Variants in C2CD3 observed in about 807,000 individuals in gnomAD.
The protein encoded by C2CD3 is C2 domain containing 3 centriole elongation regulator.
C2CD3 carries 148 observed loss-of-function variants against 234.0 expected under a neutral mutation model. The ratio of observed to expected loss-of-function variants is 0.63; its 90% confidence interval spans 0.55 to 0.72. The LOEUF is 0.72. C2CD3 is among the 30% of genes least tolerant of loss of function. The pLI, the probability that C2CD3 is intolerant of heterozygous loss-of-function variation, is 0.00. For synonymous variants in C2CD3, 1,000 were observed against 1,035.4 expected, an observed-to-expected ratio of 0.97 and a Z score of 0.66; for missense variants, 2,577 against 2,811.5, an observed-to-expected ratio of 0.92 and a Z score of 1.89.
intron 32 of C2CD3, among the ~76,000 whole-genome samples, chr11:74,022,527 A>G (rs568582377): frequency 6.6e-6 from 1 of 152,324 alleles, no homozygotes; most frequent in East Asian, 1.9e-4. Flanking sequence ...ATTTGAAGTC[A>G]TCAGAGTGAT....
intron 24 of C2CD3, among the ~76,000 whole-genome samples, chr11:74,068,514 C>G (rs1954641261): frequency 6.6e-6 from 1 of 152,130 alleles, no homozygotes; most frequent in Admixed American, 6.5e-5. Context: ...GCTTGCAGTA[C>G]ATACCCACAG....
At chr11:74,061,499 A>C (rs540896083) in intron 24 of C2CD3, among the ~76,000 whole-genome samples, 1 of 152,242 alleles carries the variant, frequency 6.6e-6, no homozygotes, top group Non-Finnish European at 1.5e-5. Context: ...AGAATTTTCA[A>C]CCCAGAATTT....
In C2CD3 at chr11:74,141,800, G is replaced by T. The variant is rs117954769; in HGVS notation, c.484-1972C>A. Among the ~76,000 whole-genome samples, 581 of 152,002 alleles carry T rather than the reference G, an allele frequency of 3.8e-3. 4 individuals are homozygous for T. The highest frequency in any genetic ancestry group is 6.5e-3 in the Non-Finnish European group (441 of 67,948). On this transcript the variant is annotated intron_variant, in intron 3 of 32. Transcript: ENST00000334126. ...GCTTGAGCCCAGGAATTTGAGACTG[G>T]CCTGGGCAACATAGTGAGAACCTGT... is the stretch of plus-strand genomic sequence containing the variant.
chr11:74,029,568 T>C (rs1952438980), intron 31 of C2CD3, among the ~76,000 whole-genome samples: 1 of 152,194 alleles, frequency 6.6e-6, no homozygotes, highest in Admixed American at 6.5e-5. Flanking sequence ...CCAGGTGAGG[T>C]AGGATCTATT....
intron 2 of C2CD3, among the ~76,000 whole-genome samples, chr11:74,163,193 C>T (rs1169730586): frequency 6.6e-6 from 1 of 152,166 alleles, no homozygotes; most frequent in Non-Finnish European, 1.5e-5. Context: ...TGTGTTCTGA[C>T]TGCAATATTC....
Position 74,098,032 on chromosome 11 carries a change from G to C in C2CD3, c.2956C>G (p.Pro986Ala). Residue 986 changes from proline to alanine, a missense_variant, in exon 16 of 33, where the codon CCA becomes GCA. By Grantham distance (27) the Pro-to-Ala change is conservative (BLOSUM62 -1). Coordinates refer to ENST00000334126, the MANE Select transcript of C2CD3 (RefSeq NM_001286577.2). The stretch of plus-strand genomic sequence containing the variant: ...ACCATAGCAACAGATGCTGCAGTTG[G>C]CTGGTCCAGGAAATGGGCTGGCCTA... Reference protein sequence around the residue: ...SPRPAHFLDQPTAASVAMAED... With the variant: ...SPRPAHFLDQATAASVAMAED... The C allele has an allele frequency of 3.7e-6, 6 of 1,614,086 alleles. No individual in the cohort carries two copies. Among genetic ancestry groups the C allele is most frequent in the Non-Finnish European group, 5.1e-6 (6 of 1,179,972 alleles).
chr11:74,050,742 ACCTAGCT>A (rs1953638451), intron 26 of C2CD3, among the ~76,000 whole-genome samples: 5 of 151,646 alleles, frequency 3.3e-5, no homozygotes, highest in African/African-American at 1.2e-4. Context: ...TTAGACTGGA[ACCTAGCT>A]AAACGGTGAG....
At chr11:74,049,259 G>T in intron 27 of C2CD3, 78 bp downstream of exon 27, 2 of 1,212,090 alleles carry the variant, frequency 1.7e-6, no homozygotes, top group Middle Eastern at 2.0e-4. Context: ...AAGCCGGAGA[G>T]TGCCAAACAT....
At chr11:74,055,993 C>T (rs1386602600) in intron 25 of C2CD3, among the ~76,000 whole-genome samples, 1 of 152,218 alleles carries the variant, frequency 6.6e-6, no homozygotes, top group Non-Finnish European at 1.5e-5. Context: ...GGTTTCCTGC[C>T]TTTTGGGGAG....
At chr11:74,083,549 A>C (rs1196662936) in intron 22 of C2CD3, among the ~76,000 whole-genome samples, 2 of 152,240 alleles carry the variant, frequency 1.3e-5, no homozygotes, top group African/African-American at 4.8e-5. Context: ...CCCATCTGAC[A>C]AAGGGCTAAT....
At chr11:74,049,835 C>A (rs915662274) in intron 26 of C2CD3, among the ~76,000 whole-genome samples, 1 of 151,300 alleles carries the variant, frequency 6.6e-6, no homozygotes, top group Non-Finnish European at 1.5e-5. Context: ...GGTTGCAGTG[C>A]AGTAGCATGA....
rs535005076 is a variant in C2CD3 at position 74,042,149 on chromosome 11, T to C, written c.5565A>G (p.Glu1855=). ...EHVQNIRRFH[E]SLHLQGEAPL... is the part of the protein sequence containing the mutation. Reference sequence around the variant, plus strand: ...GTGCCTCTCCCTGAAGATGCAGGGATTCATGAAACCGGCGAATGTTCTGCA... The same window carrying C: ...GTGCCTCTCCCTGAAGATGCAGGGACTCATGAAACCGGCGAATGTTCTGCA... Residue 1855 remains glutamate (E), a synonymous_variant, in exon 29 of 33, where the codon GAA becomes GAG. Transcript: ENST00000334126. 48 of 1,613,540 alleles carry C rather than the reference T, an allele frequency of 3.0e-5. No homozygotes were observed. The highest frequency in any genetic ancestry group is 4.0e-5 in the Non-Finnish European group (47 of 1,179,946).
chr11:74,155,478 A>T (rs1029445575), intron 3 of C2CD3, among the ~76,000 whole-genome samples: 2 of 152,224 alleles, frequency 1.3e-5, no homozygotes, highest in Admixed American at 1.3e-4. Flanking sequence ...ATTATTAATA[A>T]TAGTCAAAAA....
chr11:74,143,328 A>T (rs1229027637), intron 3 of C2CD3, among the ~76,000 whole-genome samples: 4 of 152,190 alleles, frequency 2.6e-5, no homozygotes, highest in South Asian at 2.1e-4. Flanking sequence ...AGCATTTTTT[A>T]AAAAGTCAAC....
intron 14 of C2CD3, among the ~76,000 whole-genome samples, chr11:74,101,896 G>A (rs989813024): frequency 6.6e-6 from 1 of 151,994 alleles, no homozygotes. Flanking sequence ...CCATCTTGAA[G>A]GATATAGGGA....
chr11:74,099,430 T>C (rs952761923), intron 15 of C2CD3, among the ~76,000 whole-genome samples: 1 of 152,218 alleles, frequency 6.6e-6, no homozygotes, highest in African/African-American at 2.4e-5. Context: ...AATATAGGGA[T>C]AATAACAATA....
intron 2 of C2CD3, among the ~76,000 whole-genome samples, chr11:74,162,468 A>AGT (rs1856540840): frequency 6.6e-6 from 1 of 152,226 alleles, no homozygotes; most frequent in South Asian, 2.1e-4. Flanking sequence ...TAATGAAAAA[A>AGT]GTGACACAAC....
rs1382678107 is a variant in C2CD3 at position 74,170,963 on chromosome 11, G to A, written c.-171C>T. On this transcript the variant is annotated 5_prime_UTR_variant, in exon 1 of 33. Coordinates refer to ENST00000334126, the MANE Select transcript of C2CD3 (RefSeq NM_001286577.2). The stretch of plus-strand genomic sequence containing the variant: ...TCTAACAGTCTCCGGAAAACGGTGC[G>A]AAGAGAAGGCGCCAAGACGCCTTCC... 2.1e-6 allele frequency: 3 copies of A among 1,449,300 alleles called. No homozygotes were observed. The highest frequency in any genetic ancestry group is 2.9e-5 in the African/African-American group (2 of 70,144). 89.8% of individuals were successfully genotyped at this position (1,449,300 alleles called of 1,614,324 possible).
rs774364182 is a variant in C2CD3, at chr11:74,103,488, G to C, written c.2223C>G (p.Thr741=). 3 of 1,614,164 alleles carry C rather than the reference G, an allele frequency of 1.9e-6. No homozygotes were observed. Among genetic ancestry groups the C allele is most frequent in the Non-Finnish European group, 1.7e-6 (2 of 1,180,022 alleles). The change falls in exon 14 of 33, where the codon ACC becomes ACG. Residue 741 remains threonine, a synonymous_variant. Coordinates refer to ENST00000334126, the MANE Select transcript of C2CD3 (RefSeq NM_001286577.2). ...KALPELNQDM[T]CTKNPQNLNQ... ...TTAAGTTTTGTGGATTTTTGGTACAGGTCATATCTTGGTTAAGTTCTGGTA... is the reference window on the plus strand; with the variant it reads ...TTAAGTTTTGTGGATTTTTGGTACACGTCATATCTTGGTTAAGTTCTGGTA...
Sources: gnomAD v4.1 joint callset for allele counts (sites outside exome capture counted in the v4.1 genomes callset) on GRCh38, gnomAD v4.1.1 for gene constraint, MANE v1.5 for transcripts, NCBI Gene and HGNC (gene_info 2026-07-23, HGNC 2026-07-21) for gene names.